ANO1: variants seen among roughly 807,000 people sequenced by gnomAD.
The protein encoded by ANO1 is anoctamin-1.
Under a neutral mutation model 124.0 loss-of-function variants are expected in ANO1, and 59 were observed. That is an observed-to-expected ratio of 0.48 (90% CI 0.39 to 0.59). The LOEUF (loss-of-function observed/expected upper bound fraction) is 0.59, where lower values mean the gene tolerates loss of function less well. ANO1 is among the 20% of genes least tolerant of loss of function. The pLI is 0.00. For synonymous variants in ANO1, 529 were observed against 532.0 expected (o/e 0.99, Z 0.08); for missense variants, 1,059 against 1,328.0 (o/e 0.80, Z 3.15).
intron 1 of ANO1, among the ~76,000 whole-genome samples, chr11:70,008,112 TTTG>T (rs34356843): frequency 3.3e-5 from 5 of 152,016 alleles, no homozygotes; most frequent in South Asian, 2.1e-4. Context: ...AGTATTTGAT[TTTG>T]TTGTTGTTGA....
intron 1 of ANO1, chr11:70,072,884 G>A (rs1857907813): frequency 6.6e-6 from 1 of 152,308 alleles, no homozygotes; most frequent in Non-Finnish European, 1.5e-5. Context: ...CAGCCCCTCA[G>A]GCCAGAGGAC....
At chr11:70,100,068 C>T (rs754347017) in intron 2 of ANO1, among the ~76,000 whole-genome samples, 11 of 152,162 alleles carry the variant, frequency 7.2e-5, no homozygotes, top group South Asian at 4.1e-4. Context: ...GTCCCCACGC[C>T]GCACATTCTC....
At chr11:70,010,823 C>G (rs1188867274) in intron 1 of ANO1, among the ~76,000 whole-genome samples, 1 of 152,202 alleles carries the variant, frequency 6.6e-6, no homozygotes, top group African/African-American at 2.4e-5. Context: ...CTCAGAGATG[C>G]CTTCCTCAAC....
chr11:70,023,278 C>A (rs782185112), intron 1 of ANO1, among the ~76,000 whole-genome samples: 1 of 152,204 alleles, frequency 6.6e-6, no homozygotes, highest in Non-Finnish European at 1.5e-5. Flanking sequence ...GTGTTAGTGC[C>A]TGCACCTTTC....
intron 1 of ANO1, among the ~76,000 whole-genome samples, 179 bp downstream of exon 1, chr11:70,078,893 C>T (rs1364712277): frequency 6.6e-6 from 1 of 151,240 alleles, no homozygotes; most frequent in African/African-American, 2.4e-5. Context: ...CGGCCCTGGC[C>T]AAGTGCGTGC....
chr11:70,091,367 T>G (rs895649572), intron 2 of ANO1, among the ~76,000 whole-genome samples: 1 of 152,198 alleles, frequency 6.6e-6, no homozygotes, highest in African/African-American at 2.4e-5. Flanking sequence ...ATTCTCACAC[T>G]GTCTATGACA....
intron 1 of ANO1, among the ~76,000 whole-genome samples, chr11:70,051,029 AT>A (rs1394232380): frequency 2.6e-5 from 4 of 152,212 alleles, no homozygotes; most frequent in African/African-American, 9.7e-5. Context: ...AACAGTTTTT[AT>A]TGCAGTAGAC....
intron 2 of ANO1, among the ~76,000 whole-genome samples, chr11:70,099,372 C>G (rs953964692): frequency 6.6e-6 from 1 of 152,142 alleles, no homozygotes; most frequent in Non-Finnish European, 1.5e-5. Context: ...CTCATGTAAA[C>G]GGGGGTGCAT....
chr11:70,158,264 G>A (rs1469725048), intron 16 of ANO1, among the ~76,000 whole-genome samples: 1 of 152,190 alleles, frequency 6.6e-6, no homozygotes, highest in Non-Finnish European at 1.5e-5. Flanking sequence ...CCTGCTAGCT[G>A]TGTTTCCATC....
At chr11:70,186,514 T>G (rs1195860457) in intron 25 of ANO1, among the ~76,000 whole-genome samples, 3 of 152,102 alleles carry the variant, frequency 2.0e-5, no homozygotes, top group Non-Finnish European at 4.4e-5. Context: ...TGACCCCAGC[T>G]GCAGCCAGCA....
intron 11 of ANO1, among the ~76,000 whole-genome samples, chr11:70,132,550 G>T (rs1220546290): frequency 1.3e-5 from 2 of 152,220 alleles, no homozygotes; most frequent in Non-Finnish European, 2.9e-5. Flanking sequence ...GGAGGCGAAG[G>T]CCTAAGAGAG....
At chr11:70,074,700 A>G (rs537084217), upstream of ANO1, among the ~76,000 whole-genome samples, 1 of 152,308 alleles carries the variant, frequency 6.6e-6, no homozygotes, top group Admixed American at 6.5e-5. Context: ...ATATTTGACA[A>G]CATCAAGAAA....
At chr11:70,160,124 C>T (rs2047987094) in intron 16 of ANO1, among the ~76,000 whole-genome samples, 1 of 152,148 alleles carries the variant, frequency 6.6e-6, no homozygotes, top group Non-Finnish European at 1.5e-5. Context: ...GTCCTGGGAG[C>T]CACCTGTGAC....
At chr11:70,081,936 G>C (rs1002304213) in intron 1 of ANO1, among the ~76,000 whole-genome samples, 1 of 152,208 alleles carries the variant, frequency 6.6e-6, no homozygotes, top group Non-Finnish European at 1.5e-5. Flanking sequence ...TCCTTAGGGA[G>C]GCACCTTCCA....
At chr11:70,043,256 GA>G (rs1165632112) in intron 1 of ANO1, among the ~76,000 whole-genome samples, 5 of 152,030 alleles carry the variant, frequency 3.3e-5, no homozygotes, top group African/African-American at 1.2e-4. Context: ...CAACAAAATT[GA>G]AGACATAGCA....
rs750878162 is a variant in ANO1, at chr11:70,111,669, G to A, written c.800-38G>A. On this transcript the variant is annotated intron_variant, in intron 6 of 25. Coordinates refer to ENST00000355303, the MANE Select transcript of ANO1 (RefSeq NM_018043.7). ...CTTTACAATGGGAAGCGGGAGACCC[G>A]CCTGCCCCATAACCTTCTCTCTGCC... 117 of 1,608,106 alleles carry A rather than the reference G, an allele frequency of 7.3e-5. 1 individual carries two copies. The highest frequency in any genetic ancestry group is 1.2e-4 in the Admixed American group (7 of 59,964).
chr11:70,011,760 G>A (rs1208828771), intron 1 of ANO1, among the ~76,000 whole-genome samples: 2 of 150,890 alleles, frequency 1.3e-5, no homozygotes, highest in Non-Finnish European at 2.9e-5. Context: ...GCAGAGTGCT[G>A]AGTGTTGACT....
chr11:70,157,060 A>G (rs2047843039), intron 16 of ANO1, 39 bp downstream of exon 16: 2 of 1,577,950 alleles, frequency 1.3e-6, no homozygotes, highest in Non-Finnish European at 1.7e-6. Context: ...AAGTCAGGGG[A>G]AACCGCAAGG....
chr11:70,085,268 G>A, intron 1 of ANO1: 2 of 964,182 alleles, frequency 2.1e-6, no homozygotes, highest in Non-Finnish European at 2.9e-6. Context: ...TCCTTCATGG[G>A]GCTGGGCATG....
Sources: gnomAD v4.1 joint callset for allele counts (sites outside exome capture counted in the v4.1 genomes callset) on GRCh38, gnomAD v4.1.1 for gene constraint, MANE v1.5 for transcripts, NCBI Gene and HGNC (gene_info 2026-07-23, HGNC 2026-07-21) for gene names.